The following FBXO15 variants were observed in gnomAD, a reference collection of about 807,000 sequenced individuals.
FBXO15 encodes the protein F-box protein 15.
A neutral mutation model predicts 49.5 loss-of-function variants in FBXO15; 30 were observed. The ratio of observed to expected loss-of-function variants is 0.61; its 90% CI spans 0.45 to 0.82. The LOEUF (loss-of-function observed/expected upper bound fraction) is 0.82. Ranked by LOEUF, FBXO15 falls within the 40% of genes least tolerant of loss-of-function variation. FBXO15 has a pLI of 0.00. For synonymous variants in FBXO15, 250 were observed against 232.7 expected (o/e 1.07, Z -0.68); for missense variants, 591 against 631.5 (o/e 0.94, Z 0.69).
chr18:74,095,389 C>G (rs1190209172), intron 8 of FBXO15, among the ~76,000 whole-genome samples: 1 of 152,200 alleles, frequency 6.6e-6, no homozygotes, highest in East Asian at 1.9e-4. Context: ...GAGAGACATG[C>G]AACTCTTCAC....
At chr18:74,140,074 T>A (rs1232578862) in intron 2 of FBXO15, 128 bp downstream of exon 2, 2 of 653,108 alleles carry the variant, frequency 3.1e-6, no homozygotes, top group Non-Finnish European at 5.0e-6. Context: ...CATGCTGTAC[T>A]GTCTTCCTAC....
At chr18:74,130,707 C>T (rs2145204451) in intron 3 of FBXO15, 49 bp from the exon 4 acceptor site, 2 of 1,560,542 alleles carry the variant, frequency 1.3e-6, no homozygotes, top group East Asian at 4.5e-5. Flanking sequence ...TGTCACCTAC[C>T]TTAGTCATAA....
chr18:74,106,141 A>C (rs1240446946), intron 8 of FBXO15, among the ~76,000 whole-genome samples: 1 of 151,190 alleles, frequency 6.6e-6, no homozygotes, highest in African/African-American at 2.4e-5. Context: ...AGGGTACAGG[A>C]ATCTGTAGGC....
At chr18:74,096,915 G>C (rs1175372812) in intron 8 of FBXO15, 1 of 152,344 alleles carries the variant, frequency 6.6e-6, no homozygotes, top group Non-Finnish European at 1.5e-5. Flanking sequence ...CCCAAGCTAT[G>C]GAAGTAGGAA....
chr18:74,136,532 G>A (rs1307490927), intron 2 of FBXO15, among the ~76,000 whole-genome samples: 3 of 151,850 alleles, frequency 2.0e-5, no homozygotes, highest in African/African-American at 4.8e-5. Context: ...TTCCCACCTC[G>A]CCCACACCGA....
At chr18:74,109,308 T>A (rs1467582272) in intron 8 of FBXO15, among the ~76,000 whole-genome samples, 4 of 152,080 alleles carry the variant, frequency 2.6e-5, no homozygotes, top group Non-Finnish European at 5.9e-5. Flanking sequence ...AGAATGGTGA[T>A]CATTAAAAAG....
At chr18:74,133,787 T>C (rs1978545108) in intron 3 of FBXO15, among the ~76,000 whole-genome samples, 1 of 151,692 alleles carries the variant, frequency 6.6e-6, no homozygotes, top group African/African-American at 2.4e-5. Flanking sequence ...GAGAGAGAAA[T>C]AGAGTGAGTG....
intron 1 of FBXO15, 43 bp downstream of exon 1, chr18:74,147,627 G>C (rs1446762109): frequency 1.5e-6 from 2 of 1,374,024 alleles, no homozygotes; most frequent in African/African-American, 1.5e-5. Flanking sequence ...GCGCAGTGAC[G>C]GGCTTCCCGC....
chr18:74,082,218 T>G (rs1258053983), intron 8 of FBXO15, 167 bp from the exon 9 acceptor site: 1 of 490,608 alleles, frequency 2.0e-6, no homozygotes, highest in Non-Finnish European at 3.5e-6. Context: ...GAGGCCAGAG[T>G]GATGCATCTG....
At chr18:74,141,689 G>A (rs1052272818) in intron 1 of FBXO15, among the ~76,000 whole-genome samples, 1 of 152,184 alleles carries the variant, frequency 6.6e-6, no homozygotes, top group Non-Finnish European at 1.5e-5. Context: ...CTTAACAGAG[G>A]ATGGCCCTCA....
At chr18:74,134,407 G>A (rs753407700) in intron 3 of FBXO15, among the ~76,000 whole-genome samples, 30 of 130,018 alleles carry the variant, frequency 2.3e-4, no homozygotes, top group Non-Finnish European at 3.9e-4. Context: ...GTCTCGCTCT[G>A]TCACCCAGGC....
At chr18:74,129,683 A>G in intron 4 of FBXO15, 69 bp from the exon 5 acceptor site, 1 of 1,294,634 alleles carries the variant, frequency 7.7e-7, no homozygotes, top group Non-Finnish European at 1.1e-6. Flanking sequence ...AGGCAATTTC[A>G]TGTATCTTCT....
Position 74,147,792 on chromosome 18 carries a change from A to G in FBXO15, c.-7T>C. On this transcript the variant is annotated 5_prime_UTR_variant, in exon 1 of 10. Transcript: ENST00000419743. ...GACCGCGTCCAGTCGCCATAGAGACAAGGAGTTCACCACAGGACCGCGCCA... is the reference window on the plus strand; with the variant it reads ...GACCGCGTCCAGTCGCCATAGAGACGAGGAGTTCACCACAGGACCGCGCCA... 6.5e-7 allele frequency: 1 copy of G among 1,528,328 alleles called. No individual in the cohort carries two copies. The highest frequency in any genetic ancestry group is 2.5e-5 in the East Asian group (1 of 39,626). The allele number at this position is 1,528,328 out of a possible 1,614,324, so 94.7% of individuals were successfully genotyped here. A position where few individuals can be genotyped will look rare whatever the true frequency, so the allele number is the denominator to read the frequency against.
chr18:74,096,002 A>G lies in FBXO15; in HGVS notation c.1139-13951T>C, dbSNP rs181726155. ...TAGAATTGGATTTCACATCTGTGAC[A>G]CCCCTCCCCCGATTCTACCCATAAC... On this transcript the variant is annotated intron_variant, in intron 8 of 9. Transcript: ENST00000419743. Among the ~76,000 whole-genome samples the G allele has an allele frequency of 3.1e-3, 466 of 152,108 alleles. 2 individuals are homozygous for G. The highest frequency in any genetic ancestry group is 0.011 in the African/African-American group (448 of 41,488).
chr18:74,144,848 C>T (rs1417172483), intron 1 of FBXO15, among the ~76,000 whole-genome samples: 3 of 152,138 alleles, frequency 2.0e-5, no homozygotes, highest in Non-Finnish European at 4.4e-5. Context: ...CTGGCTTAAT[C>T]CACCACCAAG....
chr18:74,126,292 C>A (rs905386209), intron 5 of FBXO15, among the ~76,000 whole-genome samples, 191 bp from the exon 6 acceptor site: 1 of 152,190 alleles, frequency 6.6e-6, no homozygotes, highest in African/African-American at 2.4e-5. Flanking sequence ...GATTTCCAAG[C>A]CAACTAGGTA....
chr18:74,136,787 G>A (rs1279001343), intron 2 of FBXO15, among the ~76,000 whole-genome samples: 7 of 152,192 alleles, frequency 4.6e-5, no homozygotes, highest in Non-Finnish European at 8.8e-5. Flanking sequence ...GTGCGCCTCT[G>A]TGAATCTTCA....
chr18:74,101,258 CA>C (rs541737596), intron 8 of FBXO15, among the ~76,000 whole-genome samples: 55 of 152,190 alleles, frequency 3.6e-4, no homozygotes, highest in African/African-American at 1.1e-3. Context: ...TTACATAATG[CA>C]AGCCAATAAA....
intron 8 of FBXO15, among the ~76,000 whole-genome samples, chr18:74,093,263 T>G (rs1196823079): frequency 8.2e-3 from 1,017 of 123,492 alleles, no homozygotes; most frequent in Non-Finnish European, 0.012. Context: ...GGCAAAACAA[T>G]GGGGGGGGGG....
Sources: gnomAD v4.1 joint callset for allele counts (sites outside exome capture counted in the v4.1 genomes callset) on GRCh38, gnomAD v4.1.1 for gene constraint, MANE v1.5 for transcripts, NCBI Gene and HGNC (gene_info 2026-07-23, HGNC 2026-07-21) for gene names.